The following ZSWIM5 variants were observed in gnomAD, a reference collection of about 807,000 sequenced individuals.
ZSWIM5 encodes zinc finger SWIM-type containing 5.
In ZSWIM5, 55 loss-of-function variants were observed where a neutral mutation model predicts 119.6. That is an observed-to-expected ratio of 0.46 (90% CI 0.37 to 0.58). ZSWIM5 has a LOEUF of 0.58. ZSWIM5 is among the 20% of genes least tolerant of loss of function. The pLI is 0.00. For synonymous variants in ZSWIM5, 537 were observed against 606.9 expected, an observed-to-expected ratio of 0.88 and a Z score of 1.69; for missense variants, 1,193 against 1,512.8, an observed-to-expected ratio of 0.79 and a Z score of 3.51.
chr1:45,030,674 G>A (rs1463975628), intron 11 of ZSWIM5, among the ~76,000 whole-genome samples: 1 of 152,048 alleles, frequency 6.6e-6, no homozygotes, highest in African/African-American at 2.4e-5. Context: ...CCATTTTGAT[G>A]TCTTTAGAAT....
chr1:45,038,604 C>CTTT lies in ZSWIM5; in HGVS notation c.1894+329_1894+331dup, dbSNP rs55717021. Among the ~76,000 whole-genome samples, 76 of 48,508 alleles carry CTTT rather than the reference C, an allele frequency of 1.6e-3. 7 individuals are homozygous for CTTT. The highest frequency in any genetic ancestry group is 4.1e-3 in the African/African-American group (52 of 12,598). 31.8% of individuals were successfully genotyped at this position (48,508 alleles called of 152,430 possible). On this transcript the variant is annotated intron_variant, in intron 8 of 13. Coordinates refer to ENST00000359600, the MANE Select transcript of ZSWIM5 (RefSeq NM_020883.2). ...GGAGAAAAGGGCTGACGAGGGCAGTCTTTTTTTTTTTTTTTTTAATGAAAC... is the reference window on the plus strand; with the variant it reads ...GGAGAAAAGGGCTGACGAGGGCAGTCTTTTTTTTTTTTTTTTTTTTAATGAAAC...
At chr1:45,174,966 CATT>C (rs111718914) in intron 1 of ZSWIM5, among the ~76,000 whole-genome samples, 2,189 of 152,116 alleles carry the variant, frequency 0.014, 67 homozygotes, top group African/African-American at 0.051. Flanking sequence ...AATACCATAA[CATT>C]ATCATATAAT....
At chr1:45,180,170 CT>C (rs1646007267) in intron 1 of ZSWIM5, among the ~76,000 whole-genome samples, 3 of 152,168 alleles carry the variant, frequency 2.0e-5, no homozygotes, top group African/African-American at 7.2e-5. Context: ...AGGGAGTTCC[CT>C]TTCCTGGTCA....
intron 1 of ZSWIM5, among the ~76,000 whole-genome samples, chr1:45,141,927 TTG>T (rs1468724853): frequency 2.0e-5 from 3 of 152,180 alleles, no homozygotes; most frequent in Non-Finnish European, 4.4e-5. Flanking sequence ...TTTATCTGCA[TTG>T]TTTTTTGTGT....
chr1:45,172,660 C>CT (rs961925679), intron 1 of ZSWIM5, among the ~76,000 whole-genome samples: 31 of 152,150 alleles, frequency 2.0e-4, no homozygotes, highest in Middle Eastern at 6.8e-3. Flanking sequence ...CAGCTGAACT[C>CT]TTTGGGGAAA....
chr1:45,051,620 A>G (rs1191686963), intron 4 of ZSWIM5, among the ~76,000 whole-genome samples: 3 of 152,244 alleles, frequency 2.0e-5, no homozygotes, highest in East Asian at 1.9e-4. Flanking sequence ...AGGGAGACAG[A>G]TAAATAAACA....
chr1:45,186,344 A>G (rs1182550435), intron 1 of ZSWIM5, among the ~76,000 whole-genome samples: 2 of 151,354 alleles, frequency 1.3e-5, no homozygotes, highest in Non-Finnish European at 2.9e-5. Flanking sequence ...TGGCACATGT[A>G]TACATATGTA....
At chr1:45,080,511 G>A (rs1645283506) in intron 2 of ZSWIM5, among the ~76,000 whole-genome samples, 1 of 152,190 alleles carries the variant, frequency 6.6e-6, no homozygotes, top group Admixed American at 6.5e-5. Flanking sequence ...CGATTGGGGA[G>A]GTGTGGCACT....
intron 4 of ZSWIM5, among the ~76,000 whole-genome samples, chr1:45,055,226 G>C (rs1645115035): frequency 6.6e-6 from 1 of 152,056 alleles, no homozygotes; most frequent in South Asian, 2.1e-4. Context: ...TCCTGACCTC[G>C]TGATCCGCCT....
At chr1:45,204,982 A>C (rs1177468892) in intron 1 of ZSWIM5, among the ~76,000 whole-genome samples, 1 of 152,160 alleles carries the variant, frequency 6.6e-6, no homozygotes, top group African/African-American at 2.4e-5. Context: ...TCATTTGTAT[A>C]ATATATTTTT....
intron 2 of ZSWIM5, among the ~76,000 whole-genome samples, chr1:45,069,304 G>T (rs1422832422): frequency 5.3e-5 from 8 of 151,680 alleles, no homozygotes; most frequent in South Asian, 2.1e-4. Context: ...TGGGCGCCTG[G>T]AGTCCCAGCT....
At chr1:45,067,383 T>C (rs1342575145) in intron 2 of ZSWIM5, among the ~76,000 whole-genome samples, 1 of 150,170 alleles carries the variant, frequency 6.7e-6, no homozygotes, top group Non-Finnish European at 1.5e-5. Flanking sequence ...AAGGCTGCAG[T>C]GAGCTGTGAT....
At chr1:45,039,636 C>T (rs1645007349) in intron 7 of ZSWIM5, among the ~76,000 whole-genome samples, 1 of 151,922 alleles carries the variant, frequency 6.6e-6, no homozygotes, top group African/African-American at 2.4e-5. Flanking sequence ...CCACCCGATT[C>T]ACCCTACCAA....
At chr1:45,120,532 T>C (rs554210904) in intron 1 of ZSWIM5, among the ~76,000 whole-genome samples, 2 of 152,058 alleles carry the variant, frequency 1.3e-5, no homozygotes, top group Admixed American at 6.5e-5. Flanking sequence ...GGTGTGACCA[T>C]GGCTCAGTGC....
chr1:45,054,204 G>A (rs1645107662), intron 4 of ZSWIM5, among the ~76,000 whole-genome samples: 1 of 152,132 alleles, frequency 6.6e-6, no homozygotes, highest in African/African-American at 2.4e-5. Context: ...CTTGATCCCA[G>A]GAGTTTGAGT....
At chr1:45,050,997 C>T in intron 5 of ZSWIM5, 77 bp downstream of exon 5, 1 of 1,396,132 alleles carries the variant, frequency 7.2e-7, no homozygotes, top group Non-Finnish European at 9.7e-7. Flanking sequence ...GGCTATCCAG[C>T]TACCATTGTT....
chr1:45,109,472 G>A (rs1028888982), intron 1 of ZSWIM5, among the ~76,000 whole-genome samples: 3 of 152,142 alleles, frequency 2.0e-5, no homozygotes, highest in East Asian at 1.9e-4. Flanking sequence ...CTGGCTAGAC[G>A]CGGTGGCTCA....
chr1:45,169,149 C>T (rs551664479), intron 1 of ZSWIM5, among the ~76,000 whole-genome samples: 46 of 152,040 alleles, frequency 3.0e-4, no homozygotes, highest in Non-Finnish European at 4.1e-4. Context: ...TTCTTTTACA[C>T]TTCCAATCTG....
chr1:45,113,508 G>C (rs1645529885), intron 1 of ZSWIM5, among the ~76,000 whole-genome samples: 1 of 152,036 alleles, frequency 6.6e-6, no homozygotes, highest in African/African-American at 2.4e-5. Context: ...CAGGCTAAAA[G>C]GTTATTTTAA....
Sources: allele counts gnomAD v4.1 joint callset (sites outside exome capture counted in the v4.1 genomes callset), GRCh38; gene constraint gnomAD v4.1.1; transcripts MANE v1.5; gene names NCBI Gene and HGNC (gene_info 2026-07-23, HGNC 2026-07-21).